The following GNAL variants were observed in gnomAD, a reference collection of about 807,000 sequenced individuals.
GNAL encodes guanine nucleotide-binding protein G(olf) subunit alpha.
GNAL carries 18 observed loss-of-function variants against 55.1 expected under a neutral mutation model. That is an observed-to-expected ratio of 0.33 (90% CI 0.23 to 0.48). The LOEUF is 0.48. Among genes scored for constraint, GNAL ranks in the 20% least tolerant of loss-of-function variants. The pLI, the probability that GNAL is intolerant of heterozygous loss-of-function variation, is 0.99. For synonymous variants in GNAL, 253 were observed against 237.0 expected (o/e 1.07, Z -0.62); for missense variants, 412 against 614.1 (o/e 0.67, Z 3.48).
chr18:11,720,871 G>T (rs1225411792), intron 1 of GNAL, among the ~76,000 whole-genome samples: 1 of 152,190 alleles, frequency 6.6e-6, no homozygotes, highest in Non-Finnish European at 1.5e-5. Context: ...AAAGCACCTT[G>T]ACATTGTTTA....
chr18:11,711,606 A>G (rs76794175), intron 1 of GNAL, among the ~76,000 whole-genome samples: 5,161 of 152,248 alleles, frequency 0.034, 250 homozygotes, highest in African/African-American at 0.11. Flanking sequence ...AATTTTATGC[A>G]TACATAGTTT....
chr18:11,796,393 C>T lies in GNAL; in HGVS notation c.625-28525C>T, dbSNP rs547818541. 2.6e-3 allele frequency among the ~76,000 whole-genome samples: 397 copies of T among 151,562 alleles called. 4 individuals carry two copies. The highest frequency in any genetic ancestry group is 9.1e-3 in the African/African-American group (374 of 41,192). On this transcript the variant is annotated intron_variant, in intron 4 of 11. Transcript: ENST00000334049. ...GAGATCGGGACCATCCTGGCTAACA[C>T]GGTGAAACCCCGTCTCTACTAAAAA...
intron 4 of GNAL, among the ~76,000 whole-genome samples, chr18:11,811,694 C>G (rs1295141980): frequency 3.3e-5 from 5 of 152,158 alleles, no homozygotes; most frequent in Admixed American, 6.5e-5. Flanking sequence ...ATATAGCAAG[C>G]CCACCTTTAC....
chr18:11,754,558 C>T (rs2032977072), intron 4 of GNAL, among the ~76,000 whole-genome samples: 1 of 152,002 alleles, frequency 6.6e-6, no homozygotes, highest in Admixed American at 6.6e-5. Context: ...CTTAAACTAA[C>T]AATTAAGCAG....
intron 4 of GNAL, among the ~76,000 whole-genome samples, chr18:11,763,011 C>A (rs1598436759): frequency 6.6e-6 from 1 of 152,194 alleles, no homozygotes; most frequent in Admixed American, 6.5e-5. Flanking sequence ...TAAAACATTT[C>A]AGTTAGATAG....
chr18:11,856,694 G>A (rs539683468), intron 5 of GNAL, among the ~76,000 whole-genome samples: 13 of 152,240 alleles, frequency 8.5e-5, no homozygotes, highest in African/African-American at 3.1e-4. Context: ...GGGAGGCCGA[G>A]GTGGGCAGAT....
At chr18:11,867,989 A>G (rs1235390629) in intron 8 of GNAL, among the ~76,000 whole-genome samples, 6 of 149,634 alleles carry the variant, frequency 4.0e-5, no homozygotes, top group Non-Finnish European at 5.9e-5. Flanking sequence ...GCCGGGTGTT[A>G]TGGCGCACAC....
intron 4 of GNAL, among the ~76,000 whole-genome samples, chr18:11,759,898 C>CT (rs561229268): frequency 2.6e-5 from 4 of 152,076 alleles, no homozygotes; most frequent in East Asian, 1.9e-4. Flanking sequence ...GTGTGTGTGT[C>CT]TTTTTTTTAA....
At chr18:11,826,832 A>T (rs1042186867) in intron 5 of GNAL, among the ~76,000 whole-genome samples, 2 of 152,204 alleles carry the variant, frequency 1.3e-5, no homozygotes, top group Non-Finnish European at 2.9e-5. Context: ...CTGTTGTCAG[A>T]GCCTGGAGCT....
At chr18:11,704,561 A>C (rs2031658703) in intron 1 of GNAL, among the ~76,000 whole-genome samples, 1 of 152,210 alleles carries the variant, frequency 6.6e-6, no homozygotes, top group Non-Finnish European at 1.5e-5. Flanking sequence ...AGAGGAGCTC[A>C]GCTATCTGGC....
chr18:11,857,894 AATATC>A (rs1381202272), intron 5 of GNAL: 3 of 206,188 alleles, frequency 1.5e-5, no homozygotes, highest in African/African-American at 7.1e-5. Flanking sequence ...CTTGTAGATA[AATATC>A]ATGAGTCAAA....
chr18:11,721,892 ATAAATAAATAAATAAAT>A (rs1223324765), intron 1 of GNAL, among the ~76,000 whole-genome samples: 7 of 57,614 alleles, frequency 1.2e-4, no homozygotes, highest in African/African-American at 5.5e-4. Context: ...GTCTCAAAAA[ATAAATAAATAAATAAAT>A]AAATAAATAA....
intron 4 of GNAL, among the ~76,000 whole-genome samples, chr18:11,783,934 T>C (rs989256999): frequency 2.6e-5 from 4 of 152,152 alleles, no homozygotes; most frequent in Non-Finnish European, 5.9e-5. Flanking sequence ...GCATCAGTGT[T>C]AGTGGGGAGG....
At chr18:11,832,655 T>A (rs2035411002) in intron 5 of GNAL, among the ~76,000 whole-genome samples, 1 of 152,106 alleles carries the variant, frequency 6.6e-6, no homozygotes, top group Non-Finnish European at 1.5e-5. Context: ...GTCAGGAGTT[T>A]GAGACCAGCC....
At chr18:11,756,895 T>C (rs1458911099) in intron 4 of GNAL, among the ~76,000 whole-genome samples, 1 of 152,216 alleles carries the variant, frequency 6.6e-6, no homozygotes, top group Non-Finnish European at 1.5e-5. Context: ...CAGTACTTTT[T>C]TGAGATTGAA....
intron 4 of GNAL, among the ~76,000 whole-genome samples, chr18:11,786,269 A>G (rs770015952): frequency 1.6e-4 from 24 of 151,978 alleles, no homozygotes; most frequent in Non-Finnish European, 2.8e-4. Context: ...AGAGAAGAAT[A>G]TGAAAGAGGA....
intron 4 of GNAL, among the ~76,000 whole-genome samples, chr18:11,804,960 G>A (rs1347460613): frequency 6.8e-6 from 1 of 146,826 alleles, no homozygotes; most frequent in Non-Finnish European, 1.5e-5. Context: ...AAGTACAGGT[G>A]CAGTTTGAGT....
At chr18:11,708,179 TG>T (rs1217282495) in intron 1 of GNAL, among the ~76,000 whole-genome samples, 1 of 152,230 alleles carries the variant, frequency 6.6e-6, no homozygotes, top group Non-Finnish European at 1.5e-5. Context: ...TGGCCTGTCT[TG>T]GCTTTTGACA....
chr18:11,776,959 A>G (rs537641137), intron 4 of GNAL, among the ~76,000 whole-genome samples: 3 of 152,204 alleles, frequency 2.0e-5, no homozygotes, highest in African/African-American at 7.2e-5. Flanking sequence ...TCAATACATC[A>G]TAAAAGCATG....
Sources: gnomAD v4.1 joint callset for allele counts (sites outside exome capture counted in the v4.1 genomes callset) on GRCh38, gnomAD v4.1.1 for gene constraint, MANE v1.5 for transcripts, NCBI Gene and HGNC (gene_info 2026-07-23, HGNC 2026-07-21) for gene names.